RAB27A: variants seen among roughly 807,000 people sequenced by gnomAD.
RAB27A encodes ras-related protein Rab-27A.
Under a neutral mutation model 20.8 loss-of-function variants are expected in RAB27A, and 17 were observed. The observed-to-expected ratio is 0.82, with a 90% CI of 0.56 to 1.23. The LOEUF (loss-of-function observed/expected upper bound fraction) is 1.23. Ranked by LOEUF, RAB27A falls within the 50% of genes most tolerant of loss-of-function variation. The pLI is 0.00. For missense variants in RAB27A, 277 were observed against 266.7 expected, an observed-to-expected ratio of 1.04 and a Z score of -0.27; for synonymous variants, 85 against 92.8, an observed-to-expected ratio of 0.92 and a Z score of 0.48.
At chr15:55,215,362 G>A (rs1895230899) in intron 6 of RAB27A, among the ~76,000 whole-genome samples, 1 of 152,176 alleles carries the variant, frequency 6.6e-6, no homozygotes, top group Non-Finnish European at 1.5e-5. Flanking sequence ...ATGGTTAAGA[G>A]TCATAACCGG....
In RAB27A at chr15:55,296,743, C is replaced by T. The variant is rs560898473; in HGVS notation, c.-112+17296G>A. ...CCTCTGATGACATGTGGGTCTGAGG[C>T]CTGCTGCTGCCTATTCCCTACCGCC... On this transcript the variant is annotated intron_variant, in intron 2 of 5. Coordinates refer to the RAB27A transcript ENST00000563262. Among the ~76,000 whole-genome samples the T allele has an allele frequency of 3.3e-4, 50 of 152,086 alleles. 1 individual carries two copies. Among genetic ancestry groups the T allele is most frequent in the African/African-American group, 1.2e-3 (50 of 41,482 alleles).
chr15:55,302,006 G>A (rs1334647631), intron 2 of RAB27A, among the ~76,000 whole-genome samples: 1 of 151,882 alleles, frequency 6.6e-6, no homozygotes, highest in Non-Finnish European at 1.5e-5. Context: ...TGGTGAACCT[G>A]TCTCTACCAA....
In RAB27A at chr15:55,250,820, T is replaced by C. The variant is rs564063514; in HGVS notation, c.-22-15864A>G. ...AATGTCATTGCAACAAACCTTTCAT[T>C]GCCTCAGAAAACTGCTCTGGCCCAG... On this transcript the variant is annotated intron_variant, in intron 2 of 6. Coordinates refer to ENST00000336787, the MANE Select transcript of RAB27A (RefSeq NM_183235.3). Among the ~76,000 whole-genome samples the C allele has an allele frequency of 2.3e-4, 35 of 152,332 alleles. No homozygotes were observed. In the South Asian group the frequency reaches 7.0e-3, roughly 31 times the overall value.
intron 1 of RAB27A, among the ~76,000 whole-genome samples, chr15:55,277,470 T>C (rs1347066004): frequency 6.6e-6 from 1 of 152,166 alleles, no homozygotes. Flanking sequence ...CCATAATAAA[T>C]GGCTCCTGAC....
At chr15:55,296,953 A>G (rs2141140819) in intron 2 of RAB27A, among the ~76,000 whole-genome samples, 1 of 152,332 alleles carries the variant, frequency 6.6e-6, no homozygotes, top group South Asian at 2.1e-4. Flanking sequence ...ACCTAAAAAA[A>G]AGACATCAGA....
At chr15:55,212,013 G>A (rs1024356285) in intron 6 of RAB27A, among the ~76,000 whole-genome samples, 2 of 81,458 alleles carry the variant, frequency 2.5e-5, no homozygotes, top group Non-Finnish European at 4.9e-5. Context: ...GGGATTTCTT[G>A]TATATGCTCT....
intron 2 of RAB27A, among the ~76,000 whole-genome samples, chr15:55,308,299 T>C (rs1005988073): frequency 1.3e-5 from 2 of 152,214 alleles, no homozygotes; most frequent in Non-Finnish European, 2.9e-5. Context: ...AGGTGTTCCC[T>C]CAGAAATTAG....
At chr15:55,219,055 A>T (rs1222069706) in intron 6 of RAB27A, among the ~76,000 whole-genome samples, 1 of 151,848 alleles carries the variant, frequency 6.6e-6, no homozygotes, top group East Asian at 1.9e-4. Flanking sequence ...GATCATATTC[A>T]CATTTTTCTC....
Position 55,230,386 on chromosome 15 carries a change from C to G in RAB27A, c.239+15G>C, listed in dbSNP as rs760864329. 3.1e-6 allele frequency: 5 copies of G among 1,594,544 alleles called. No homozygotes were observed. The South Asian group carries it at 5.5e-5, about 18-fold the overall frequency. ...CTTTCCTTCAGTAAGGAGCACATAA[C>G]TGAAGATCTCATACCTCTCCTGCCC... is the stretch of plus-strand genomic sequence containing the variant. On this transcript the variant is annotated intron_variant, in intron 4 of 6. Transcript: ENST00000336787.
Position 55,223,991 on chromosome 15 carries a change from T to C in RAB27A, c.365A>G (p.Tyr122Cys), listed in dbSNP as rs1259290779. ...NWISQLQMHA[Y>C]CENPDIVLCG... ...CAGCACTATATCTGGGTTTTCACAA[T>C]ATGCATGCATCTGTAGCTGGCCTAT... The change falls in exon 6 of 7, where the codon TAT (tyrosine) becomes TGT (cysteine). Residue 122 changes from tyrosine to cysteine, a missense_variant. By Grantham distance (194) the Tyr-to-Cys change is radical. Transcript: ENST00000336787. 1.3e-5 allele frequency: 20 copies of C among 1,589,272 alleles called. No homozygotes were observed. The highest frequency in any genetic ancestry group is 1.7e-5 in the Non-Finnish European group (20 of 1,157,560).
intron 6 of RAB27A, among the ~76,000 whole-genome samples, chr15:55,206,549 C>G (rs1246685183): frequency 6.6e-6 from 1 of 152,064 alleles, no homozygotes; most frequent in Non-Finnish European, 1.5e-5. Flanking sequence ...TACCATGTTG[C>G]CCAGGCTGGT....
intron 1 of RAB27A, chr15:55,317,968 T>C (rs1379760217): frequency 2.8e-6 from 1 of 354,836 alleles, no homozygotes; most frequent in Non-Finnish European, 5.0e-6. Flanking sequence ...ATTTTTATAA[T>C]ATGTTACTAA....
At chr15:55,267,877 C>T (rs1897560075) in intron 2 of RAB27A, among the ~76,000 whole-genome samples, 1 of 152,140 alleles carries the variant, frequency 6.6e-6, no homozygotes, top group Non-Finnish European at 1.5e-5. Flanking sequence ...TCCTGCCAGC[C>T]AGCAAGATTT....
chr15:55,255,893 C>A (rs1226688539), intron 2 of RAB27A, among the ~76,000 whole-genome samples: 3 of 152,162 alleles, frequency 2.0e-5, no homozygotes, highest in African/African-American at 7.2e-5. Context: ...GTGAAAGGGG[C>A]TTCAAGTCAA....
intron 2 of RAB27A, among the ~76,000 whole-genome samples, chr15:55,265,861 T>C (rs1039012092): frequency 2.0e-5 from 3 of 152,170 alleles, no homozygotes; most frequent in Non-Finnish European, 4.4e-5. Context: ...GGAAAGTGTT[T>C]GAGACCTGGG....
At position 55,241,624 on chromosome 15, in the gene RAB27A, A is replaced by ATATATATATATATATGTGTG. The variant is rs377301086; in HGVS notation, c.-22-6669_-22-6668insCACACATATATATATATATA. On this transcript the variant is annotated intron_variant, in intron 2 of 6. Coordinates refer to ENST00000336787, the MANE Select transcript of RAB27A (RefSeq NM_183235.3). ...TTTATATATATATATATATATATAT[A>ATATATATATATATATGTGTG]TGTGTGTATATATATTTGTTTTTTT... Among the ~76,000 whole-genome samples, 42 of 117,658 alleles carry ATATATATATATATATGTGTG rather than the reference A, an allele frequency of 3.6e-4. 1 individual carries two copies. The highest frequency in any genetic ancestry group is 1.6e-3 in the African/African-American group (36 of 22,890). The allele number at this position is 117,658 out of a possible 152,430, so 77.2% of individuals were successfully genotyped here.
At chr15:55,253,421 TG>T (rs1446462200) in intron 2 of RAB27A, among the ~76,000 whole-genome samples, 1 of 151,170 alleles carries the variant, frequency 6.6e-6, no homozygotes, top group East Asian at 1.9e-4. Context: ...CACTCCAGCC[TG>T]GGTGACAGAG....
At chr15:55,217,529 G>C (rs1895363284) in intron 6 of RAB27A, among the ~76,000 whole-genome samples, 1 of 151,664 alleles carries the variant, frequency 6.6e-6, no homozygotes, top group Non-Finnish European at 1.5e-5. Context: ...GCTGGGCACA[G>C]TGGTGCACAC....
At chr15:55,241,332 C>T (rs899439387) in intron 2 of RAB27A, among the ~76,000 whole-genome samples, 4 of 151,924 alleles carry the variant, frequency 2.6e-5, no homozygotes, top group Non-Finnish European at 5.9e-5. Flanking sequence ...ATTCAGCTCA[C>T]TTCTCTCTCT....
Sources: allele counts gnomAD v4.1 joint callset (sites outside exome capture counted in the v4.1 genomes callset), GRCh38; gene constraint gnomAD v4.1.1; transcripts MANE v1.5; gene names NCBI Gene and HGNC (gene_info 2026-07-23, HGNC 2026-07-21).